POLR2B: variants seen among roughly 807,000 people sequenced by gnomAD.
POLR2B encodes the protein DNA-directed RNA polymerase II subunit RPB2.
A neutral mutation model predicts 144.6 loss-of-function variants in POLR2B; 57 were observed. That is an observed-to-expected ratio of 0.39 (90% CI 0.32 to 0.49). The LOEUF (loss-of-function observed/expected upper bound fraction) is 0.49, where lower values mean the gene tolerates loss of function less well. Among genes scored for constraint, POLR2B ranks in the 20% least tolerant of loss-of-function variants. The pLI is 0.83. For missense variants in POLR2B, 595 were observed against 1,467.4 expected (o/e 0.41, Z 9.71); for synonymous variants, 442 against 469.8 (o/e 0.94, Z 0.77).
chr4:56,994,472 T>C lies in POLR2B; in HGVS notation c.312T>C (p.Ala104=). The C allele has an allele frequency of 6.2e-7, 1 of 1,608,480 alleles. No homozygotes were observed. Among genetic ancestry groups the C allele is most frequent in the Non-Finnish European group, 8.5e-7 (1 of 1,174,948 alleles). The change falls in exon 4 of 25, where the codon GCT becomes GCC. Residue 104 remains alanine (A), a synonymous_variant. Transcript: ENST00000314595. ...CTACCCATTGGGAAAGAGATGGTGC[T>C]CCTTCACCAATGATGCCCAATGAAG... ...SKPTHWERDG[A]PSPMMPNEAR... is the part of the protein sequence containing the mutation.
At chr4:56,999,821 A>G (rs1392297689) in intron 7 of POLR2B, 40 bp downstream of exon 7, 4 of 1,394,286 alleles carry the variant, frequency 2.9e-6, no homozygotes, top group Non-Finnish European at 2.0e-6. Flanking sequence ...GCTTTATAAG[A>G]GATTTAGAGT....
At chr4:57,020,645 G>A (rs1177102858) in intron 16 of POLR2B, among the ~76,000 whole-genome samples, 2 of 152,096 alleles carry the variant, frequency 1.3e-5, no homozygotes, top group African/African-American at 2.4e-5. Flanking sequence ...GGTGACTCAT[G>A]TGTAATCACT....
At chr4:57,012,968 G>A (rs1723242050) in intron 13 of POLR2B, among the ~76,000 whole-genome samples, 1 of 152,144 alleles carries the variant, frequency 6.6e-6, no homozygotes, top group South Asian at 2.1e-4. Flanking sequence ...AGCCTCCTGA[G>A]TAGCTGGGAT....
intron 14 of POLR2B, among the ~76,000 whole-genome samples, chr4:57,016,563 T>G (rs1041085640): frequency 4.6e-5 from 7 of 151,616 alleles, no homozygotes; most frequent in Non-Finnish European, 8.8e-5. Flanking sequence ...CTATTAATAG[T>G]AATAATGCGA....
intron 1 of POLR2B, 167 bp from the exon 2 acceptor site, chr4:56,986,187 A>T: frequency 1.5e-6 from 1 of 685,966 alleles, no homozygotes; most frequent in Non-Finnish European, 2.6e-6. Flanking sequence ...TGTGTGACAT[A>T]GACATAAATT....
intron 22 of POLR2B, 29 bp from the exon 23 acceptor site, chr4:57,025,348 C>T (rs777602397): frequency 6.4e-7 from 1 of 1,572,504 alleles, no homozygotes; most frequent in South Asian, 1.1e-5. Flanking sequence ...ATTTTTAGGT[C>T]TACACTTCAA....
intron 3 of POLR2B, among the ~76,000 whole-genome samples, chr4:56,993,666 A>G (rs1044310808): frequency 6.6e-6 from 1 of 152,026 alleles, no homozygotes; most frequent in Non-Finnish European, 1.5e-5. Flanking sequence ...TTTTTTTTCT[A>G]TGAACTAAGC....
chr4:57,007,688 A>G (rs913355579), intron 10 of POLR2B, among the ~76,000 whole-genome samples: 1 of 152,166 alleles, frequency 6.6e-6, no homozygotes, highest in Non-Finnish European at 1.5e-5. Context: ...ACTGGTTTCT[A>G]TATGTTGGTC....
intron 17 of POLR2B, among the ~76,000 whole-genome samples, chr4:57,021,373 A>G (rs143169310): frequency 6.6e-6 from 1 of 151,920 alleles, no homozygotes; most frequent in African/African-American, 2.4e-5. Flanking sequence ...GCATATAAAG[A>G]TTGTTTTAAA....
intron 2 of POLR2B, among the ~76,000 whole-genome samples, chr4:56,989,561 G>C (rs1214846936): frequency 6.6e-6 from 1 of 152,234 alleles, no homozygotes; most frequent in Non-Finnish European, 1.5e-5. Flanking sequence ...AAGCCAAAAT[G>C]GGAGGCTGAT....
chr4:57,005,234 AT>A lies in POLR2B; in HGVS notation c.901-10del, dbSNP rs41553919. On this transcript the variant is annotated splice_polypyrimidine_tract_variant and intron_variant, in intron 7 of 24. Transcript: ENST00000314595. ...GAATTTGAAAATAACTTTTATTTAA[AT>A]TGTCTGATAGGTTAAACCTTCTCTC... is the stretch of plus-strand genomic sequence containing the variant. 363,402 of 1,459,344 alleles carry A rather than the reference AT, an allele frequency of 0.25. 47,685 individuals carry two copies. The highest frequency in any genetic ancestry group is 0.27 in the Non-Finnish European group (291,682 of 1,095,558). The allele number at this position is 1,459,344 out of a possible 1,614,324, so 90.4% of individuals were successfully genotyped here.
intron 16 of POLR2B, among the ~76,000 whole-genome samples, chr4:57,019,756 T>G (rs1372594467): frequency 1.8e-5 from 2 of 112,324 alleles, no homozygotes; most frequent in East Asian, 5.5e-4. Context: ...GTCCTAATGA[T>G]GTCTTTTTTT....
Position 57,017,425 on chromosome 4 carries a change from C to A in POLR2B, c.2155-135C>A. 1.2e-6 allele frequency: 1 copy of A among 805,236 alleles called. No homozygotes were observed. Among genetic ancestry groups the A allele is most frequent in the Non-Finnish European group, 2.0e-6 (1 of 509,608 alleles). 49.9% of individuals were successfully genotyped at this position (805,236 alleles called of 1,614,324 possible). On this transcript the variant is annotated intron_variant, in intron 15 of 24. Coordinates refer to ENST00000314595, the MANE Select transcript of POLR2B (RefSeq NM_000938.3). This position sits in a 1 kb window ranked among gnomAD's most constrained non-coding sequence, Gnocchi z 4.8. ...GGTTAAGAGCCGTAATTGATTATTC[C>A]AAATGGTTATTACTTACTGTTTTTG...
At chr4:57,025,337 A>C (rs778420430) in intron 22 of POLR2B, 40 bp from the exon 23 acceptor site, 1 of 1,514,266 alleles carries the variant, frequency 6.6e-7, no homozygotes, top group South Asian at 1.1e-5. Flanking sequence ...GACGTTGTTT[A>C]ATTTTTAGGT....
At chr4:56,987,958 G>A (rs957063764) in intron 2 of POLR2B, among the ~76,000 whole-genome samples, 2 of 151,992 alleles carry the variant, frequency 1.3e-5, no homozygotes, top group African/African-American at 4.8e-5. Flanking sequence ...GTGCTGTGGT[G>A]TGTGCCTATA....
Position 57,023,848 on chromosome 4 carries a change from C to T in POLR2B, c.2856+97C>T, listed in dbSNP as rs1456265584. ...TTAACTTAAGAGCTCAAAGATGATA[C>T]AGGTTGAACTTTTTGATTTTATTGT... On this transcript the variant is annotated intron_variant, in intron 20 of 24. Transcript: ENST00000314595. The surrounding 1 kb of genome is among the most constrained non-coding windows in gnomAD (Gnocchi z 4.3). 12 of 879,888 alleles carry T rather than the reference C, an allele frequency of 1.4e-5. No individual in the cohort carries two copies. Among genetic ancestry groups the T allele is most frequent in the Middle Eastern group, 2.9e-4 (1 of 3,394 alleles). 54.5% of individuals were successfully genotyped at this position (879,888 alleles called of 1,614,324 possible). A position where few individuals can be genotyped will look rare whatever the true frequency, so the allele number is the denominator to read the frequency against.
chr4:57,017,169 A>C lies in POLR2B; in HGVS notation c.2082A>C (p.Thr694=), dbSNP rs1379451817. Residue 694 remains threonine (T), a synonymous_variant, in exon 15 of 25, where the codon ACA becomes ACC. Coordinates refer to ENST00000314595, the MANE Select transcript of POLR2B (RefSeq NM_000938.3). The surrounding 1 kb of genome is among the most constrained non-coding windows in gnomAD (Gnocchi z 4.8). ...AAGTAGCTTATTGTTCCACATATAC[A>C]CACTGTGAGATTCATCCCTCAATGA... ...EKEVAYCSTY[T]HCEIHPSMIL... 1 of 1,612,874 alleles carries C rather than the reference A, an allele frequency of 6.2e-7. No individual in the cohort carries two copies. The highest frequency in any genetic ancestry group is 8.5e-7 in the Non-Finnish European group (1 of 1,179,216).
intron 3 of POLR2B, among the ~76,000 whole-genome samples, chr4:56,992,198 C>T (rs1722528784): frequency 1.3e-5 from 2 of 151,992 alleles, no homozygotes; most frequent in African/African-American, 2.4e-5. Context: ...TGCGATGGCT[C>T]ATGCCTATAA....
intron 1 of POLR2B, among the ~76,000 whole-genome samples, chr4:56,984,166 GA>G (rs1163054604): frequency 2.6e-5 from 4 of 151,732 alleles, no homozygotes; most frequent in Non-Finnish European, 5.9e-5. Context: ...CGCCCAGCCT[GA>G]AAAAAAATCT....
Sources: allele counts gnomAD v4.1 joint callset (sites outside exome capture counted in the v4.1 genomes callset), GRCh38; gene constraint gnomAD v4.1.1; non-coding constraint Gnocchi (gnomAD v3.1); transcripts MANE v1.5; gene names NCBI Gene and HGNC (gene_info 2026-07-23, HGNC 2026-07-21).